The following THSD7B variants were observed in gnomAD, a reference collection of about 807,000 sequenced individuals.
THSD7B encodes the protein thrombospondin type-1 domain-containing protein 7B.
In THSD7B, 138 loss-of-function variants were observed where a neutral mutation model predicts 213.6. The observed-to-expected ratio is 0.65, with a 90% CI of 0.56 to 0.74. THSD7B has a LOEUF of 0.74. Among genes scored for constraint, THSD7B ranks in the 30% least tolerant of loss-of-function variants. The pLI is 0.00. For missense variants in THSD7B, 1,931 were observed against 1,991.5 expected, an observed-to-expected ratio of 0.97 and a Z score of 0.58; for synonymous variants, 742 against 687.0, an observed-to-expected ratio of 1.08 and a Z score of -1.25.
intron 3 of THSD7B, among the ~76,000 whole-genome samples, chr2:137,091,297 C>T (rs941457006): frequency 1.3e-5 from 2 of 152,082 alleles, no homozygotes; most frequent in African/African-American, 2.4e-5. Context: ...AAGAAAGGAA[C>T]CACTACTTTA....
chr2:137,486,893 A>G (rs1456122016), intron 15 of THSD7B, among the ~76,000 whole-genome samples: 2 of 152,176 alleles, frequency 1.3e-5, no homozygotes, highest in Admixed American at 1.3e-4. Flanking sequence ...CTGAATGACT[A>G]CTGGGTAAAT....
intron 5 of THSD7B, among the ~76,000 whole-genome samples, chr2:137,154,857 G>GT (rs917735485): frequency 3.4e-4 from 52 of 151,924 alleles, no homozygotes; most frequent in African/African-American, 1.2e-3. Context: ...ATTAAGAACA[G>GT]TTTTTTTTCC....
chr2:137,147,854 C>T (rs1457236094), intron 5 of THSD7B, among the ~76,000 whole-genome samples: 1 of 152,136 alleles, frequency 6.6e-6, no homozygotes, highest in Non-Finnish European at 1.5e-5. Context: ...CGTATCTCAA[C>T]CATGCTTTTG....
At chr2:137,314,415 T>G (rs1272812591) in intron 12 of THSD7B, among the ~76,000 whole-genome samples, 4 of 152,190 alleles carry the variant, frequency 2.6e-5, no homozygotes, top group Non-Finnish European at 5.9e-5. Flanking sequence ...CTTCTAAATT[T>G]TTTTCACAGT....
intron 15 of THSD7B, among the ~76,000 whole-genome samples, chr2:137,454,504 G>A (rs1687723689): frequency 1.3e-5 from 2 of 151,526 alleles, no homozygotes; most frequent in Admixed American, 1.3e-4. Flanking sequence ...GTATGTTTGT[G>A]GAAAGATCTC....
chr2:136,872,988 A>T (rs1683462283), intron 1 of THSD7B, among the ~76,000 whole-genome samples: 1 of 126,772 alleles, frequency 7.9e-6, no homozygotes, highest in South Asian at 2.6e-4. Context: ...GCGCCACTGC[A>T]CTCCAGCCTG....
chr2:137,228,789 T>C, intron 7 of THSD7B, among the ~76,000 whole-genome samples: 1 of 152,212 alleles, frequency 6.6e-6, no homozygotes, highest in South Asian at 2.1e-4. Flanking sequence ...CGTTTTACTT[T>C]TATGTGTTAA....
intron 15 of THSD7B, among the ~76,000 whole-genome samples, chr2:137,472,685 C>A (rs1688115500): frequency 1.3e-5 from 2 of 152,084 alleles, no homozygotes. Flanking sequence ...TATAGTAGAC[C>A]ATTTAGGTAG....
At chr2:137,486,713 C>T (rs542199160) in intron 15 of THSD7B, among the ~76,000 whole-genome samples, 2 of 152,166 alleles carry the variant, frequency 1.3e-5, no homozygotes, top group East Asian at 1.9e-4. Flanking sequence ...CCACACCACA[C>T]CTATTCCAAA....
At chr2:136,821,060 G>C (rs969467515) in intron 1 of THSD7B, among the ~76,000 whole-genome samples, 1 of 152,104 alleles carries the variant, frequency 6.6e-6, no homozygotes, top group African/African-American at 2.4e-5. Context: ...GGACTTTTTT[G>C]TGTATAAAAA....
chr2:137,333,784 C>T (rs1684571362), intron 12 of THSD7B, among the ~76,000 whole-genome samples: 1 of 152,162 alleles, frequency 6.6e-6, no homozygotes, highest in African/African-American at 2.4e-5. Context: ...TATTTTTAGT[C>T]CTGGTCTCCT....
At chr2:137,610,084 G>A (rs1368160329) in intron 17 of THSD7B, among the ~76,000 whole-genome samples, 1 of 152,114 alleles carries the variant, frequency 6.6e-6, no homozygotes, top group Non-Finnish European at 1.5e-5. Context: ...GTTTGTTATT[G>A]TGCACATAAA....
At chr2:136,880,837 C>A (rs1254003826) in intron 1 of THSD7B, among the ~76,000 whole-genome samples, 4 of 152,140 alleles carry the variant, frequency 2.6e-5, no homozygotes, top group African/African-American at 9.7e-5. Context: ...TACTAGTAAT[C>A]CATTATGCAC....
chr2:137,479,069 G>A (rs1251273210), intron 15 of THSD7B, among the ~76,000 whole-genome samples: 2 of 152,232 alleles, frequency 1.3e-5, no homozygotes, highest in African/African-American at 4.8e-5. Flanking sequence ...AATGGCAGCA[G>A]TGGGCCTGGT....
intron 7 of THSD7B, among the ~76,000 whole-genome samples, chr2:137,202,886 C>T (rs1054887758): frequency 4.6e-5 from 7 of 152,058 alleles, no homozygotes; most frequent in Non-Finnish European, 7.4e-5. Flanking sequence ...AGATAACAAA[C>T]AGGTGATAGT....
intron 15 of THSD7B, among the ~76,000 whole-genome samples, chr2:137,555,689 C>G (rs1251860456): frequency 6.6e-6 from 1 of 152,052 alleles, no homozygotes. Context: ...CAAAGCTGGA[C>G]AGAGAATGAC....
In THSD7B at chr2:136,928,233, A is replaced by G. The variant is rs145733861; in HGVS notation, c.139+45916A>G. ...GGCAAAATCATCTAACACAAAGTGT[A>G]TCTTATAATAAAGTGTTGAATATCT... On this transcript the variant is annotated intron_variant, in intron 2 of 27. Coordinates refer to ENST00000409968, the MANE Select transcript of THSD7B (RefSeq NM_001316349.2). Among the ~76,000 whole-genome samples the G allele has an allele frequency of 8.9e-3, 1,354 of 152,332 alleles. 26 individuals carry two copies. The highest frequency in any genetic ancestry group is 0.01 in the Non-Finnish European group (698 of 68,038).
At chr2:137,418,134 A>G (rs1160564367) in intron 14 of THSD7B, among the ~76,000 whole-genome samples, 2 of 152,170 alleles carry the variant, frequency 1.3e-5, no homozygotes, top group Non-Finnish European at 2.9e-5. Flanking sequence ...AACTTCATAT[A>G]ATATTGCTGT....
chr2:137,373,709 T>C (rs1425846266), intron 12 of THSD7B, among the ~76,000 whole-genome samples: 2 of 152,222 alleles, frequency 1.3e-5, no homozygotes. Flanking sequence ...TTAATTAGAT[T>C]CGATTTGTCA....
Sources: gnomAD v4.1 joint callset for allele counts (sites outside exome capture counted in the v4.1 genomes callset) on GRCh38, gnomAD v4.1.1 for gene constraint, MANE v1.5 for transcripts, NCBI Gene and HGNC (gene_info 2026-07-23, HGNC 2026-07-21) for gene names.